TENM2: variants seen among roughly 807,000 people sequenced by gnomAD.
TENM2 encodes the protein teneurin-2.
Under a neutral mutation model 245.2 loss-of-function variants are expected in TENM2, and 52 were observed. The ratio of observed to expected loss-of-function variants is 0.21; its 90% confidence interval spans 0.17 to 0.27. The LOEUF is 0.27. Among genes scored for constraint, TENM2 ranks in the 10% least tolerant of loss-of-function variants. The pLI is 1.00. For missense variants in TENM2, 3,046 were observed against 3,666.8 expected, an observed-to-expected ratio of 0.83 and a Z score of 4.37; for synonymous variants, 1,363 against 1,438.9, an observed-to-expected ratio of 0.95 and a Z score of 1.19.
chr5:167,129,198 C>G, the TENM2 span, among the ~76,000 whole-genome samples: 1 of 152,144 alleles, frequency 6.6e-6, no homozygotes, highest in African/African-American at 2.4e-5. Context: ...ACTTAGGAGA[C>G]TCTTGGGAAA....
intron 2 of TENM2, among the ~76,000 whole-genome samples, chr5:167,718,663 G>T (rs1774283112): frequency 6.6e-6 from 1 of 152,092 alleles, no homozygotes; most frequent in Non-Finnish European, 1.5e-5. Context: ...TGGGTTTTGA[G>T]GTCATATTAT....
chr5:167,137,607 T>C, the TENM2 span, among the ~76,000 whole-genome samples: 1 of 152,212 alleles, frequency 6.6e-6, no homozygotes, highest in African/African-American at 2.4e-5. Flanking sequence ...ACTATACTAC[T>C]GATCTTAATC....
chr5:168,207,558 GT>G (rs1429489112), intron 19 of TENM2, among the ~76,000 whole-genome samples: 1 of 152,116 alleles, frequency 6.6e-6, no homozygotes, highest in African/African-American at 2.4e-5. Flanking sequence ...AAGAACACTG[GT>G]TTTATTCTTC....
chr5:167,829,395 T>C (rs1356530336), intron 2 of TENM2, among the ~76,000 whole-genome samples: 1 of 152,152 alleles, frequency 6.6e-6, no homozygotes, highest in Non-Finnish European at 1.5e-5. Context: ...AACCACACAC[T>C]GAGCATCTGA....
At chr5:167,355,788 C>T (rs926770627) in intron 1 of TENM2, among the ~76,000 whole-genome samples, 6 of 151,832 alleles carry the variant, frequency 4.0e-5, no homozygotes, top group African/African-American at 1.5e-4. Flanking sequence ...TTTAATTGCC[C>T]GTCATTCTAG....
At chr5:167,504,811 C>T (rs866116618) in intron 2 of TENM2, among the ~76,000 whole-genome samples, 1 of 152,184 alleles carries the variant, frequency 6.6e-6, no homozygotes. Context: ...TAATTCCCCA[C>T]GAAATATCTA....
intron 7 of TENM2, among the ~76,000 whole-genome samples, chr5:168,082,925 G>T (rs896900066): frequency 6.6e-6 from 1 of 152,198 alleles, no homozygotes; most frequent in African/African-American, 2.4e-5. Context: ...GAGGCAGTCT[G>T]TCTGTTCTCA....
At chr5:167,571,835 C>T (rs1419501520) in intron 2 of TENM2, among the ~76,000 whole-genome samples, 1 of 152,080 alleles carries the variant, frequency 6.6e-6, no homozygotes, top group African/African-American at 2.4e-5. Flanking sequence ...CCACTTATTC[C>T]CTTGTATAAA....
chr5:168,120,535 T>C (rs1292884629), intron 10 of TENM2, among the ~76,000 whole-genome samples: 5 of 152,200 alleles, frequency 3.3e-5, no homozygotes, highest in African/African-American at 1.2e-4. Context: ...TACACAGCTG[T>C]ATGCATGGAA....
At chr5:167,961,415 T>C (rs1005184421) in intron 4 of TENM2, among the ~76,000 whole-genome samples, 3 of 152,196 alleles carry the variant, frequency 2.0e-5, no homozygotes, top group Admixed American at 2.0e-4. Context: ...CAAACTGCCA[T>C]AGAGTTTGTT....
the TENM2 span, among the ~76,000 whole-genome samples, chr5:167,071,463 G>A: frequency 6.6e-6 from 1 of 152,128 alleles, no homozygotes; most frequent in South Asian, 2.1e-4. Context: ...TGCTTGCCAA[G>A]TTGAAGACTT....
chr5:167,780,377 C>T (rs1022968382), intron 2 of TENM2, among the ~76,000 whole-genome samples: 3 of 152,236 alleles, frequency 2.0e-5, no homozygotes, highest in African/African-American at 4.8e-5. Flanking sequence ...ACAGTCCCAG[C>T]TGGAGCCAAA....
chr5:168,082,856 G>A (rs1457467403), intron 7 of TENM2, among the ~76,000 whole-genome samples: 5 of 152,122 alleles, frequency 3.3e-5, no homozygotes, highest in African/African-American at 4.8e-5. Context: ...GGTGTCAGTC[G>A]GCCCCTACTG....
the TENM2 span, among the ~76,000 whole-genome samples, chr5:166,983,176 A>G: frequency 6.6e-6 from 1 of 152,146 alleles, no homozygotes; most frequent in Non-Finnish European, 1.5e-5. Flanking sequence ...CATATTTCCA[A>G]AAGATTTCAT....
intron 2 of TENM2, among the ~76,000 whole-genome samples, chr5:167,676,143 A>T (rs1756309591): frequency 6.6e-6 from 1 of 152,062 alleles, no homozygotes; most frequent in African/African-American, 2.4e-5. Flanking sequence ...CAGAATATGG[A>T]TGTCATAGGT....
At chr5:167,547,170 C>T (rs10040753) in intron 2 of TENM2, among the ~76,000 whole-genome samples, 3,811 of 152,284 alleles carry the variant, frequency 0.025, 165 homozygotes, top group African/African-American at 0.087. Context: ...ACTGCAACCT[C>T]CACCTACCAG....
rs1164086160 is a variant in TENM2, at chr5:167,872,342, GAAA to G, written c.503-3643_503-3641del. On this transcript the variant is annotated intron_variant, in intron 2 of 28. Transcript: ENST00000518659. ...AGAAAGAAAGAAAGAAAGAAAGAAAGAAAGAAAGAAAGGAAAGAGAAGGAAGGA... is the reference window on the plus strand; with the variant it reads ...AGAAAGAAAGAAAGAAAGAAAGAAAGGAAAGAAAGGAAAGAGAAGGAAGGA... Among the ~76,000 whole-genome samples, 692 of 71,228 alleles carry G rather than the reference GAAA, an allele frequency of 9.7e-3. 8 individuals are homozygous for G. Among genetic ancestry groups the G allele is most frequent in the African/African-American group, 0.03 (655 of 21,982 alleles). The allele number at this position is 71,228 out of a possible 152,430, so 46.7% of individuals were successfully genotyped here.
chr5:168,158,662 T>C (rs976977240), intron 12 of TENM2, among the ~76,000 whole-genome samples: 1 of 150,712 alleles, frequency 6.6e-6, no homozygotes, highest in Non-Finnish European at 1.5e-5. Flanking sequence ...CAATCAAAAA[T>C]GTCTCCAGAC....
At chr5:168,040,300 C>A (rs1213980433) in intron 5 of TENM2, among the ~76,000 whole-genome samples, 1 of 152,168 alleles carries the variant, frequency 6.6e-6, no homozygotes, top group African/African-American at 2.4e-5. Context: ...CCAATGCCCC[C>A]TCTCATTTTG....
Sources: gnomAD v4.1 joint callset for allele counts (sites outside exome capture counted in the v4.1 genomes callset) on GRCh38, gnomAD v4.1.1 for gene constraint, MANE v1.5 for transcripts, NCBI Gene and HGNC (gene_info 2026-07-23, HGNC 2026-07-21) for gene names.